Variants in NADK observed in about 807,000 individuals in gnomAD.
NADK encodes the protein NAD kinase.
Under a neutral mutation model 49.8 loss-of-function variants are expected in NADK, and 22 were observed. The ratio of observed to expected loss-of-function variants is 0.44; its 90% confidence interval spans 0.32 to 0.63. NADK has a LOEUF of 0.63. Ranked by LOEUF, NADK falls within the 30% of genes least tolerant of loss-of-function variation. The probability of loss-of-function intolerance (pLI) is 0.06; values close to 1 mark genes in which losing one functional copy is unlikely to be tolerated. For missense variants in NADK, 438 were observed against 609.4 expected (o/e 0.72, Z 2.96); for synonymous variants, 268 against 253.7 (o/e 1.06, Z -0.54).
At chr1:1,756,967 CCAGCT>C in intron 4 of NADK, 2 of 875,282 alleles carry the variant, frequency 2.3e-6, no homozygotes, top group Admixed American at 1.9e-5. Context: ...CACGAGCCCA[CCAGCT>C]CATTGTTGGT....
Position 1,778,409 on chromosome 1 carries a change from C to A in NADK, c.-161G>T. ...CTTGGCGCCCTGGCCGCCTGTTGCCCCATGGCCGCCCGGACCCCGGCGCCG... is the reference window on the plus strand; with the variant it reads ...CTTGGCGCCCTGGCCGCCTGTTGCCACATGGCCGCCCGGACCCCGGCGCCG... On this transcript the variant is annotated 5_prime_UTR_variant, in exon 1 of 12. Coordinates refer to ENST00000341426, the MANE Select transcript of NADK (RefSeq NM_023018.5). This position sits in a 1 kb window ranked among gnomAD's most constrained non-coding sequence, Gnocchi z 4.9. The A allele has an allele frequency of 6.7e-6, 1 of 149,124 alleles. No homozygotes were observed. The highest frequency in any genetic ancestry group is 2.0e-4 in the South Asian group (1 of 5,078). The allele number at this position is 149,124 out of a possible 1,614,324, so 9.2% of individuals were successfully genotyped here.
At chr1:1,753,712 A>G in intron 10 of NADK, 63 bp from the exon 11 acceptor site, 1 of 1,416,590 alleles carries the variant, frequency 7.1e-7, no homozygotes, top group Non-Finnish European at 9.8e-7. Context: ...CTAGGCACCC[A>G]CCCCTGAGTG....
chr1:1,779,598 C>T (rs1291168228), upstream of NADK, among the ~76,000 whole-genome samples: 1 of 152,080 alleles, frequency 6.6e-6, no homozygotes, highest in African/African-American at 2.4e-5. Flanking sequence ...TCCACTTCAG[C>T]TTCCCTAGTA....
In NADK at chr1:1,761,511, G is replaced by A. The variant is rs140390013; in HGVS notation, c.263+441C>T. Among the ~76,000 whole-genome samples the A allele has an allele frequency of 5.7e-3, 873 of 152,332 alleles. 3 individuals are homozygous for A. The highest frequency in any genetic ancestry group is 0.015 in the African/African-American group (616 of 41,566). On this transcript the variant is annotated intron_variant, in intron 3 of 11. Coordinates refer to ENST00000341426, the MANE Select transcript of NADK (RefSeq NM_023018.5). ...CCATGACACTATGACGGGCCTCCAG[G>A]CAGAATGTGTTGACAAACTGAACCA... is the stretch of plus-strand genomic sequence containing the variant.
At chr1:1,765,000 C>A (rs1209755733) in intron 2 of NADK, among the ~76,000 whole-genome samples, 1 of 152,212 alleles carries the variant, frequency 6.6e-6, no homozygotes. Flanking sequence ...GATAGAGAAA[C>A]ACGGTGGCAC....
rs767857544 is a variant in NADK, at chr1:1,759,797, T to A, written c.263+2155A>T. The A allele has an allele frequency of 9.2e-5, 143 of 1,554,942 alleles. 1 individual carries two copies. The Middle Eastern group carries it at 1.5e-3, about 16-fold the overall frequency. On this transcript the variant is annotated intron_variant, in intron 3 of 11. Coordinates refer to ENST00000341426, the MANE Select transcript of NADK (RefSeq NM_023018.5). Reference sequence around the variant, plus strand: ...GGGGACCACTGAGTACGCCCTGGTCTGAGGGCTGAGGCAGAACATGCACCT... The same window carrying A: ...GGGGACCACTGAGTACGCCCTGGTCAGAGGGCTGAGGCAGAACATGCACCT...
At chr1:1,755,176 C>A (rs963241748) in intron 7 of NADK, among the ~76,000 whole-genome samples, 198 bp downstream of exon 7, 2 of 152,234 alleles carry the variant, frequency 1.3e-5, no homozygotes, top group African/African-American at 4.8e-5. Flanking sequence ...ACACACATGG[C>A]AGCTTCAACC....
chr1:1,769,632 G>A (rs890600354), intron 1 of NADK, among the ~76,000 whole-genome samples: 1 of 152,062 alleles, frequency 6.6e-6, no homozygotes. Context: ...AGAGGGTGAG[G>A]CATGAGAATT....
Position 1,754,157 on chromosome 1 carries a change from C to G in NADK, c.995G>C (p.Gly332Ala), listed in dbSNP as rs764390503. 4 of 1,612,266 alleles carry G rather than the reference C, an allele frequency of 2.5e-6. No homozygotes were observed. Among genetic ancestry groups the G allele is most frequent in the Non-Finnish European group, 3.4e-6 (4 of 1,179,622 alleles). ...CACGTTGGGGTGGATCATGGAGGCC[C>G]CGGCCGCGGCCGCATACGCCGTGCT... ...TGSTAYAAAA[G>A]ASMIHPNVPA... Residue 332 changes from glycine (G) to alanine (A), a missense_variant, in exon 10 of 12, where the codon GGG (glycine) becomes GCG (alanine). Physicochemically the swap from Gly to Ala is moderately conservative, Grantham distance 60. Transcript: ENST00000341426. This position sits in a 1 kb window ranked among gnomAD's most constrained non-coding sequence, Gnocchi z 4.3.
intron 1 of NADK, among the ~76,000 whole-genome samples, chr1:1,776,696 C>G (rs1646220535): frequency 6.7e-6 from 1 of 150,270 alleles, no homozygotes; most frequent in Non-Finnish European, 1.5e-5. Context: ...TCACTTGAAC[C>G]CGGGAGGTGG....
chr1:1,753,524 A>T lies in NADK; in HGVS notation c.1184+43T>A, dbSNP rs761382841. On this transcript the variant is annotated intron_variant, in intron 11 of 11. Transcript: ENST00000341426. ...AGGGCAGGCGCTGCCTGGCCCGGGG[A>T]GGAGGTTGGCAGGCAGCGCCCAGCC... 3 of 1,552,896 alleles carry T rather than the reference A, an allele frequency of 1.9e-6. No homozygotes were observed. In the Admixed American group the frequency reaches 5.2e-5, roughly 27 times the overall value.
chr1:1,752,672 G>C lies in NADK; in HGVS notation c.*232C>G. On this transcript the variant is annotated 3_prime_UTR_variant, in exon 12 of 12. Coordinates refer to ENST00000341426, the MANE Select transcript of NADK (RefSeq NM_023018.5). ...GGGACCCACCGCGGGGTGTCAGCAG[G>C]ACAGAAGCACTCCCAGCCCATTTCT... is the stretch of plus-strand genomic sequence containing the variant. 1.9e-6 allele frequency: 1 copy of C among 516,248 alleles called. No individual in the cohort carries two copies. The highest frequency in any genetic ancestry group is 3.2e-5 in the South Asian group (1 of 31,650). 32.0% of individuals were successfully genotyped at this position (516,248 alleles called of 1,614,324 possible).
Position 1,765,092 on chromosome 1 carries a change from C to A in NADK, c.179+136G>T, listed in dbSNP as rs369107464. The A allele has an allele frequency of 7.3e-5, 64 of 874,412 alleles. No individual in the cohort carries two copies. In the African/African-American group the frequency reaches 9.3e-4, roughly 13 times the overall value. The allele number at this position is 874,412 out of a possible 1,614,324, so 54.2% of individuals were successfully genotyped here. Reference sequence around the variant, plus strand: ...ATCCCCCTTCAAGGGCACAGCTTCACCTGGGCAAGGACCCAGCCTCACCTT... The same window carrying A: ...ATCCCCCTTCAAGGGCACAGCTTCAACTGGGCAAGGACCCAGCCTCACCTT... On this transcript the variant is annotated intron_variant, in intron 2 of 11. Coordinates refer to ENST00000341426, the MANE Select transcript of NADK (RefSeq NM_023018.5).
At chr1:1,773,800 T>C (rs965214912) in intron 1 of NADK, among the ~76,000 whole-genome samples, 5 of 150,564 alleles carry the variant, frequency 3.3e-5, no homozygotes, top group African/African-American at 7.3e-5. Context: ...TAAGCTGGAG[T>C]GCAGTGGTGC....
rs1321972701 is a variant in NADK, at chr1:1,752,087, C to T, written c.*817G>A. 1 of 152,060 alleles carries T rather than the reference C, an allele frequency of 6.6e-6. No individual in the cohort carries two copies. 9.4% of individuals were successfully genotyped at this position (152,060 alleles called of 1,614,324 possible). On this transcript the variant is annotated 3_prime_UTR_variant, in exon 12 of 12. Transcript: ENST00000341426. ...GTCCCCTAATGGTCCCTGAGGACAG[C>T]GTCTTGCAGAACATAAATGTAAACA...
chr1:1,759,183 GC>G, intron 3 of NADK: 1 of 1,569,548 alleles, frequency 6.4e-7, no homozygotes, highest in Non-Finnish European at 8.6e-7. Flanking sequence ...TCGTACACCG[GC>G]CCAGGCACCC....
At chr1:1,773,729 T>TGAGAGAGAGAGAGAGAGAGAGA (rs61141524) in intron 1 of NADK, among the ~76,000 whole-genome samples, 3 of 128,972 alleles carry the variant, frequency 2.3e-5, no homozygotes, top group Non-Finnish European at 3.2e-5. Context: ...TGTGTGTGTG[T>TGAGAGAGAGAGAGAGAGAGAGA]GAGAGAGAGA....
intron 3 of NADK, among the ~76,000 whole-genome samples, chr1:1,760,657 A>C (rs192477975): frequency 1.3e-5 from 2 of 151,058 alleles, no homozygotes; most frequent in Admixed American, 1.3e-4. Context: ...TGAAGCATCC[A>C]TGACTCCGTG....
intron 3 of NADK, chr1:1,758,582 T>A: frequency 6.6e-7 from 1 of 1,515,140 alleles, no homozygotes; most frequent in South Asian, 1.3e-5. Flanking sequence ...CTCTTCATAC[T>A]CAAAACTCAA....
Sources: gnomAD v4.1 joint callset for allele counts (sites outside exome capture counted in the v4.1 genomes callset) on GRCh38, gnomAD v4.1.1 for gene constraint, Gnocchi (gnomAD v3.1) non-coding constraint, MANE v1.5 for transcripts, NCBI Gene and HGNC (gene_info 2026-07-23, HGNC 2026-07-21) for gene names.